The following LRRD1 variants were observed in gnomAD, a reference collection of about 807,000 sequenced individuals.
LRRD1 encodes leucine rich repeats and death domain containing 1, also known as leucine-rich repeat and death domain-containing protein 1.
A neutral mutation model predicts 69.5 loss-of-function variants in LRRD1; 49 were observed. The observed-to-expected ratio is 0.70, with a 90% CI of 0.56 to 0.89. LRRD1 has a LOEUF of 0.89. Among genes scored for constraint, LRRD1 ranks in the 40% least tolerant of loss-of-function variants. LRRD1 has a pLI of 0.00. For missense variants in LRRD1, 853 were observed against 956.0 expected, an observed-to-expected ratio of 0.89 and a Z score of 1.42; for synonymous variants, 303 against 338.9, an observed-to-expected ratio of 0.89 and a Z score of 1.16.
downstream of LRRD1, among the ~76,000 whole-genome samples, chr7:92,143,140 C>G (rs369255251): frequency 5.3e-5 from 8 of 152,166 alleles, 1 homozygote; most frequent in African/African-American, 4.8e-5. Context: ...TACAGAGTGT[C>G]GATTGGTGTA....
chr7:92,146,311 A>G (rs1820321961), intron 4 of LRRD1, 111 bp from the exon 5 acceptor site: 1 of 602,920 alleles, frequency 1.7e-6, no homozygotes, highest in Non-Finnish European at 2.8e-6. Context: ...TATATATGTT[A>G]AGTAAAACTG....
chr7:92,146,038 C>T, intron 5 of LRRD1, 45 bp downstream of exon 5: 2 of 1,016,854 alleles, frequency 2.0e-6, no homozygotes, highest in Non-Finnish European at 2.8e-6. Flanking sequence ...TGATATACAT[C>T]AGAATGAGAA....
downstream of LRRD1, among the ~76,000 whole-genome samples, chr7:92,143,353 C>G (rs774188711): frequency 6.6e-6 from 1 of 152,190 alleles, no homozygotes; most frequent in Non-Finnish European, 1.5e-5. Flanking sequence ...GCCTGTCAAT[C>G]CCGCACCGTG....
chr7:92,148,624 T>C (rs1216029382), intron 4 of LRRD1, among the ~76,000 whole-genome samples: 1 of 152,122 alleles, frequency 6.6e-6, no homozygotes, highest in African/African-American at 2.4e-5. Context: ...TCCTTGGGTG[T>C]AGGGAAAGGA....
chr7:92,158,302 G>C (rs1329175526), intron 3 of LRRD1, among the ~76,000 whole-genome samples: 1 of 152,084 alleles, frequency 6.6e-6, no homozygotes, highest in Admixed American at 6.6e-5. Flanking sequence ...GCTGCAGTGA[G>C]CCATGATCTT....
In LRRD1 at chr7:92,145,092, TA is replaced by T; in HGVS notation, c.2397-19del. Reference sequence around the variant, plus strand: ...AAACAGTGCTGAAAAACATTATTAATAATATTAATAGTTAAATATTTATTAA... The same window carrying T: ...AAACAGTGCTGAAAAACATTATTAATATATTAATAGTTAAATATTTATTAA... On this transcript the variant is annotated intron_variant, in intron 5 of 5. Transcript: ENST00000458448. The T allele has an allele frequency of 8.1e-7, 1 of 1,236,374 alleles. No individual in the cohort carries two copies. Among genetic ancestry groups the T allele is most frequent in the South Asian group, 2.3e-5 (1 of 42,554 alleles). 76.6% of individuals were successfully genotyped at this position (1,236,374 alleles called of 1,614,324 possible).
chr7:92,143,260 G>A (rs1820214051), downstream of LRRD1, among the ~76,000 whole-genome samples: 1 of 152,140 alleles, frequency 6.6e-6, no homozygotes, highest in Non-Finnish European at 1.5e-5. Flanking sequence ...AGACATAAAG[G>A]TTCTCCAAGT....
Position 92,163,480 on chromosome 7 carries a change from A to G in LRRD1, c.1723T>C (p.Leu575=), listed in dbSNP as rs532547790. 3.1e-5 allele frequency: 47 copies of G among 1,534,124 alleles called. No individual in the cohort carries two copies. The African/African-American group carries it at 5.0e-4, about 16-fold the overall frequency. The change falls in exon 2 of 6, where the codon TTG becomes CTG. Residue 575 remains leucine, a synonymous_variant. Transcript: ENST00000458448. ...CNKFETFPRE[L]CTLENLQVLD... ...ACTTGCAAATTTTCTAAAGTACACA[A>G]TTCTCTAGGGAAAGTTTCAAATTTA...
At chr7:92,167,132 T>C (rs1052382014) in intron 1 of LRRD1, among the ~76,000 whole-genome samples, 5 of 151,248 alleles carry the variant, frequency 3.3e-5, no homozygotes, top group African/African-American at 1.2e-4. Flanking sequence ...CAGTCTTCTC[T>C]GTCACCAGGC....
At chr7:92,160,337 T>G (rs1200452346) in intron 2 of LRRD1, among the ~76,000 whole-genome samples, 2 of 152,208 alleles carry the variant, frequency 1.3e-5, no homozygotes, top group African/African-American at 2.4e-5. Context: ...TCACGGAGAT[T>G]AAATTTTATT....
intron 3 of LRRD1, 127 bp downstream of exon 3, chr7:92,158,878 C>T: frequency 1.4e-6 from 1 of 694,214 alleles, no homozygotes. Context: ...ACAGTCATTT[C>T]CTTCTAATGG....
downstream of LRRD1, among the ~76,000 whole-genome samples, chr7:92,144,586 C>G (rs538609098): frequency 1.4e-5 from 2 of 144,646 alleles, no homozygotes; most frequent in Non-Finnish European, 3.0e-5. Flanking sequence ...AAGATCACAC[C>G]ACTGCACTCC....
chr7:92,159,178 G>C lies in LRRD1; in HGVS notation c.1943C>G (p.Ser648Cys). The C allele has an allele frequency of 3.9e-6, 6 of 1,521,240 alleles. No homozygotes were observed. Among genetic ancestry groups the C allele is most frequent in the Non-Finnish European group, 4.4e-6 (5 of 1,136,154 alleles). The allele number at this position is 1,521,240 out of a possible 1,614,324, so 94.2% of individuals were successfully genotyped here. ...AAGTTCTTTAAGTTGAGTCATATTA[G>C]ATAGCTCTCCTGGAAGTCTTGTTAG... ...RKLTRLPGEL[S>C]NMTQLKELDI... The change falls in exon 3 of 6, where the codon TCT becomes TGT. Residue 648 changes from serine (S) to cysteine (C), a missense_variant. Transcript: ENST00000458448.
At position 92,150,597 on chromosome 7, in the gene LRRD1, T is replaced by G. The variant is rs2130986748; in HGVS notation, c.2215A>C (p.Ile739Leu). Residue 739 changes from isoleucine (I) to leucine (L), a missense_variant, in exon 4 of 6, where the codon ATC becomes CTC. Coordinates refer to ENST00000458448, the MANE Select transcript of LRRD1 (RefSeq NM_001161528.2). ...DNPLLRPPVE[I>L]CKGKQLYTIA... is the part of the protein sequence containing the mutation. The stretch of plus-strand genomic sequence containing the variant: ...GTATACAACTGTTTTCCTTTACAGA[T>G]TTCCACTGGAGGTCTCAGCAAAGGG... The G allele has an allele frequency of 6.4e-7, 1 of 1,551,620 alleles. No homozygotes were observed. Among genetic ancestry groups the G allele is most frequent in the East Asian group, 2.4e-5 (1 of 40,912 alleles).
chr7:92,161,305 A>T (rs73407566), intron 2 of LRRD1, among the ~76,000 whole-genome samples: 5,131 of 152,372 alleles, frequency 0.034, 253 homozygotes, highest in African/African-American at 0.11. Context: ...TTTCAACTAC[A>T]TGGGATATTC....
intron 3 of LRRD1, among the ~76,000 whole-genome samples, chr7:92,154,729 GT>G (rs1316133425): frequency 6.6e-6 from 1 of 151,854 alleles, no homozygotes. Context: ...ATTTTGTTTT[GT>G]TTTGGCTTTT....
downstream of LRRD1, among the ~76,000 whole-genome samples, chr7:92,144,359 TG>T (rs954082516): frequency 3.9e-5 from 6 of 152,164 alleles, no homozygotes; most frequent in African/African-American, 1.4e-4. Context: ...CTAGGCATGG[TG>T]GCTCACACCT....
chr7:92,143,275 A>G (rs534828131), downstream of LRRD1, among the ~76,000 whole-genome samples: 4 of 152,254 alleles, frequency 2.6e-5, no homozygotes, highest in South Asian at 6.2e-4. Context: ...CCAAGTCCCC[A>G]CCAGACTCAG....
intron 1 of LRRD1, among the ~76,000 whole-genome samples, chr7:92,174,509 A>ATAT (rs1563195877): frequency 1.7e-3 from 22 of 12,866 alleles, no homozygotes; most frequent in African/African-American, 2.8e-3. Flanking sequence ...ATATATATAT[A>ATAT]TTTTTTTTTT....
Sources: gnomAD v4.1 joint callset for allele counts (sites outside exome capture counted in the v4.1 genomes callset) on GRCh38, gnomAD v4.1.1 for gene constraint, MANE v1.5 for transcripts, NCBI Gene and HGNC (gene_info 2026-07-23, HGNC 2026-07-21) for gene names.